CFI: variants seen among roughly 807,000 people sequenced by gnomAD.
CFI encodes C3B/C4B inactivator.
CFI carries 66 observed loss-of-function variants against 78.8 expected under a neutral mutation model. The ratio of observed to expected loss-of-function variants is 0.84; its 90% CI spans 0.69 to 1.03. The LOEUF is 1.03. Ranked by LOEUF, CFI falls within the 50% of genes least tolerant of loss-of-function variation. CFI has a pLI of 0.00. For missense variants in CFI, 706 were observed against 704.5 expected (o/e 1.00, Z -0.02); for synonymous variants, 250 against 232.6 (o/e 1.07, Z -0.68).
chr4:109,739,152 G>A (rs1723554752), downstream of CFI, among the ~76,000 whole-genome samples: 1 of 152,072 alleles, frequency 6.6e-6, no homozygotes, highest in African/African-American at 2.4e-5. Context: ...TGGAATATAT[G>A]TAAAAATGGG....
rs1019510096 is a variant in CFI at position 109,786,754 on chromosome 4, T to A, written c.57+15161A>T. On this transcript the variant is annotated intron_variant, in intron 1 of 12. Coordinates refer to ENST00000394634, the MANE Select transcript of CFI (RefSeq NM_000204.5). ...AAAATGTGGAAAATAAAAATAATGT[T>A]CACACAGAGATAGTGTGAGGATCAG... Among the ~76,000 whole-genome samples, 8 of 152,052 alleles carry A rather than the reference T, an allele frequency of 5.3e-5. 1 individual carries two copies. The highest frequency in any genetic ancestry group is 7.4e-5 in the Non-Finnish European group (5 of 68,000).
rs143827877 is a variant in CFI at position 109,746,265 on chromosome 4, T to A, written c.1386A>T (p.Gln462His). Residue 462 changes from glutamine (Q) to histidine (H), a missense_variant, in exon 11 of 13, where the codon CAA becomes CAT. Transcript: ENST00000394634. ...ACVPWSPYLF[Q>H]PNDTCIVSGW... ...CAGAAACGATGCATGTATCATTAGG[T>A]TGGAATAGGTAAGGAGACCAGGGGA... The A allele has an allele frequency of 6.3e-5, 101 of 1,614,048 alleles. No individual in the cohort carries two copies. The highest frequency in any genetic ancestry group is 8.1e-5 in the Non-Finnish European group (96 of 1,180,028).
chr4:109,767,098 A>T (rs1310103783), intron 1 of CFI, among the ~76,000 whole-genome samples: 1 of 152,238 alleles, frequency 6.6e-6, no homozygotes, highest in Non-Finnish European at 1.5e-5. Context: ...CTGAAACTGG[A>T]TCCCTTCCTT....
intron 1 of CFI, among the ~76,000 whole-genome samples, chr4:109,791,682 A>G (rs1217361922): frequency 6.6e-6 from 1 of 152,144 alleles, no homozygotes; most frequent in Non-Finnish European, 1.5e-5. Context: ...TCCCAGCATC[A>G]TTTATTGAAT....
At position 109,775,993 on chromosome 4, in the gene CFI, A is replaced by G. The variant is rs140198651; in HGVS notation, c.58-9169T>C. Among the ~76,000 whole-genome samples the G allele has an allele frequency of 5.3e-3, 813 of 152,316 alleles. 7 individuals are homozygous for G. Among genetic ancestry groups the G allele is most frequent in the African/African-American group, 0.019 (779 of 41,576 alleles). On this transcript the variant is annotated intron_variant, in intron 1 of 12. Coordinates refer to ENST00000394634, the MANE Select transcript of CFI (RefSeq NM_000204.5). ...AAAACCCCATCTGTACGTCACCATC[A>G]TCAAAGACCAAAGGCAGATAAAACC...
chr4:109,762,888 C>T lies in CFI; in HGVS notation c.483-1196G>A, dbSNP rs1727262254. On this transcript the variant is annotated intron_variant, in intron 3 of 12. Coordinates refer to ENST00000394634, the MANE Select transcript of CFI (RefSeq NM_000204.5). Reference sequence around the variant, plus strand: ...AGAGATGTCTGTTCATGAGCTTATGCAAAATATAAGAGCAAAATACTGAGA... The same window carrying T: ...AGAGATGTCTGTTCATGAGCTTATGTAAAATATAAGAGCAAAATACTGAGA... 2.0e-5 allele frequency among the ~76,000 whole-genome samples: 3 copies of T among 152,066 alleles called. No homozygotes were observed. In the South Asian group the frequency reaches 6.2e-4, roughly 31 times the overall value.
At chr4:109,735,717 G>A (rs1723335283), downstream of CFI, among the ~76,000 whole-genome samples, 1 of 152,230 alleles carries the variant, frequency 6.6e-6, no homozygotes, top group African/African-American at 2.4e-5. Context: ...GCGGGAATCA[G>A]GCGGATGAGA....
the CFI span, among the ~76,000 whole-genome samples, chr4:109,734,407 A>G: frequency 6.6e-6 from 1 of 152,222 alleles, no homozygotes; most frequent in Non-Finnish European, 1.5e-5. Context: ...GATATTGACT[A>G]CTAGATTTAG....
rs368555424 is a variant in CFI at position 109,746,221 on chromosome 4, C to G, written c.1429+1G>C. On this transcript the variant is annotated splice_donor_variant, in intron 11 of 12. Coordinates refer to ENST00000394634, the MANE Select transcript of CFI (RefSeq NM_000204.5). LOFTEE classifies it high-confidence loss of function. ...TGATTAACAAACTGTAAAACATATA[C>G]CTTTTTCTCGTCCCCAGCCAGAAAC... is the stretch of plus-strand genomic sequence containing the variant. 34 of 1,613,954 alleles carry G rather than the reference C, an allele frequency of 2.1e-5. No homozygotes were observed. The highest frequency in any genetic ancestry group is 2.9e-5 in the Non-Finnish European group (34 of 1,180,016).
chr4:109,757,549 G>C (rs949847575), intron 7 of CFI, among the ~76,000 whole-genome samples: 1 of 152,146 alleles, frequency 6.6e-6, no homozygotes, highest in African/African-American at 2.4e-5. Flanking sequence ...ACTCTGGATG[G>C]TGTTTTGGTC....
chr4:109,760,203 C>T (rs1726858903), intron 6 of CFI, 67 bp downstream of exon 6: 2 of 1,098,196 alleles, frequency 1.8e-6, no homozygotes, highest in Middle Eastern at 2.0e-4. Context: ...TATACTTTAC[C>T]TAAAGAAAAG....
downstream of CFI, among the ~76,000 whole-genome samples, chr4:109,736,066 C>A (rs1302289871): frequency 1.3e-5 from 2 of 152,150 alleles, no homozygotes; most frequent in East Asian, 3.9e-4. Context: ...CCTGCTCAGA[C>A]AGTTTATGAC....
chr4:109,758,082 AAGGC>A (rs1561299330), intron 6 of CFI: 1 of 637,432 alleles, frequency 1.6e-6, no homozygotes, highest in Non-Finnish European at 2.4e-6. Context: ...CTAAAATGCA[AAGGC>A]AGAGCTCATC....
intron 1 of CFI, among the ~76,000 whole-genome samples, chr4:109,786,628 C>T (rs531403662): frequency 1.4e-4 from 22 of 152,154 alleles, no homozygotes; most frequent in African/African-American, 4.8e-4. Flanking sequence ...CACCCCTTTC[C>T]CTTTCTTCTG....
intron 8 of CFI, 126 bp downstream of exon 8, chr4:109,752,342 A>G: frequency 1.3e-6 from 1 of 799,930 alleles, no homozygotes; most frequent in Non-Finnish European, 2.1e-6. Flanking sequence ...TAATAATGTT[A>G]TATTTTTTAA....
At chr4:109,793,017 T>C (rs541744527) in intron 1 of CFI, among the ~76,000 whole-genome samples, 1 of 152,304 alleles carries the variant, frequency 6.6e-6, no homozygotes, top group African/African-American at 2.4e-5. Flanking sequence ...TTATTGTATG[T>C]CTTATACCTT....
intron 7 of CFI, among the ~76,000 whole-genome samples, chr4:109,755,603 T>TCTTGTTCCGTTGCTCTCTTGCC (rs1250029772): frequency 9.2e-5 from 14 of 152,280 alleles, no homozygotes; most frequent in Non-Finnish European, 1.5e-4. Context: ...TTCGGACTCC[T>TCTTGTTCCGTTGCTCTCTTGCC]CTTGTTCCGT....
chr4:109,732,244 A>G, the CFI span, among the ~76,000 whole-genome samples: 1,171 of 152,302 alleles, frequency 7.7e-3, 8 homozygotes, highest in South Asian at 0.024. Flanking sequence ...ATCTCTCCTT[A>G]GGGATTAAAT....
chr4:109,788,577 T>C (rs916012145), intron 1 of CFI, among the ~76,000 whole-genome samples: 94 of 152,202 alleles, frequency 6.2e-4, no homozygotes, highest in African/African-American at 2.0e-3. Flanking sequence ...CAGCACTTTA[T>C]CTGGAATATG....
Sources: allele counts gnomAD v4.1 joint callset (sites outside exome capture counted in the v4.1 genomes callset), GRCh38; gene constraint gnomAD v4.1.1; transcripts MANE v1.5; gene names NCBI Gene and HGNC (gene_info 2026-07-23, HGNC 2026-07-21).